LIN54: variants seen among roughly 807,000 people sequenced by gnomAD.
LIN54 encodes lin-54 DREAM MuvB core complex component, also known as protein lin-54 homolog.
Under a neutral mutation model 78.7 loss-of-function variants are expected in LIN54, and 9 were observed. The observed-to-expected ratio is 0.11, with a 90% CI of 0.07 to 0.20. The LOEUF is 0.20. Among genes scored for constraint, LIN54 ranks in the 10% least tolerant of loss-of-function variants. LIN54 has a pLI of 1.00. For synonymous variants in LIN54, 269 were observed against 318.4 expected (o/e 0.84, Z 1.65); for missense variants, 573 against 889.9 (o/e 0.64, Z 4.53).
chr4:82,973,909 A>G (rs1725893975), intron 3 of LIN54, among the ~76,000 whole-genome samples: 1 of 152,190 alleles, frequency 6.6e-6, no homozygotes, highest in Non-Finnish European at 1.5e-5. Context: ...ACAGAACTAC[A>G]TCAAAGTGCC....
intron 1 of LIN54, among the ~76,000 whole-genome samples, chr4:82,986,205 T>G (rs1012962409): frequency 2.0e-5 from 3 of 151,912 alleles, no homozygotes; most frequent in African/African-American, 7.2e-5. Context: ...AACCTCCACC[T>G]CCCAGGTTCA....
At chr4:82,979,834 G>A (rs1456581615) in intron 2 of LIN54, among the ~76,000 whole-genome samples, 1 of 150,582 alleles carries the variant, frequency 6.6e-6, no homozygotes, top group Non-Finnish European at 1.5e-5. Context: ...CTACTCGGGA[G>A]GCTGAGGCAG....
intron 11 of LIN54, among the ~76,000 whole-genome samples, chr4:82,932,774 G>A (rs1403676697): frequency 6.6e-6 from 1 of 151,956 alleles, no homozygotes; most frequent in Non-Finnish European, 1.5e-5. Context: ...GCAGTGAGCC[G>A]CGATCACGCG....
chr4:82,982,585 T>C (rs1167070763), intron 2 of LIN54, among the ~76,000 whole-genome samples: 1 of 152,178 alleles, frequency 6.6e-6, no homozygotes, highest in Non-Finnish European at 1.5e-5. Context: ...AAATAAACTT[T>C]GGTAAACCAA....
At position 82,930,140 on chromosome 4, in the gene LIN54, C is replaced by G. The variant is rs1256552531; in HGVS notation, c.2048+803G>C. The stretch of plus-strand genomic sequence containing the variant: ...TCTCAAACTCCTGACCTCAGGTGAT[C>G]TGCCCACCTTGGCCTCCCAAAGTGC... On this transcript the variant is annotated intron_variant, in intron 12 of 12. Coordinates refer to ENST00000340417, the MANE Select transcript of LIN54 (RefSeq NM_194282.4). 2.0e-5 allele frequency among the ~76,000 whole-genome samples: 3 copies of G among 152,196 alleles called. No homozygotes were observed. In the East Asian group the frequency reaches 5.8e-4, roughly 29 times the overall value.
chr4:82,999,002 A>C (rs1371007274), intron 1 of LIN54, among the ~76,000 whole-genome samples: 2 of 152,224 alleles, frequency 1.3e-5, no homozygotes, highest in Admixed American at 1.3e-4. Flanking sequence ...ACAAAAAAGT[A>C]ACTGTAGTAC....
chr4:82,994,402 A>T (rs1728011628), intron 1 of LIN54, among the ~76,000 whole-genome samples: 2 of 147,456 alleles, frequency 1.4e-5, no homozygotes, highest in African/African-American at 2.5e-5. Flanking sequence ...TTTTAAAAGA[A>T]TTTTTTTTTT....
At position 82,997,584 on chromosome 4, in the gene LIN54, G is replaced by A. The variant is rs144831676; in HGVS notation, c.-32-12708C>T. Among the ~76,000 whole-genome samples, 761 of 152,052 alleles carry A rather than the reference G, an allele frequency of 5.0e-3. 10 individuals are homozygous for A. Among genetic ancestry groups the A allele is most frequent in the Non-Finnish European group, 6.9e-3 (471 of 67,972 alleles). ...CTAACATGATCACAGTTATATTTTG[G>A]GAGGATTAACCTCATCTGAGGATTT... On this transcript the variant is annotated intron_variant, in intron 1 of 12. Coordinates refer to ENST00000340417, the MANE Select transcript of LIN54 (RefSeq NM_194282.4).
intron 4 of LIN54, among the ~76,000 whole-genome samples, chr4:82,952,013 C>G (rs1046720012): frequency 3.3e-5 from 5 of 151,944 alleles, no homozygotes; most frequent in African/African-American, 1.2e-4. Context: ...AAAGCTAAAA[C>G]TAAAAAAAAC....
rs1478187587 is a variant in LIN54 at position 82,928,300 on chromosome 4, C to G, written c.2052G>C (p.Leu684Phe). The G allele has an allele frequency of 6.2e-7, 1 of 1,612,470 alleles. No individual in the cohort carries two copies. Among genetic ancestry groups the G allele is most frequent in the South Asian group, 1.1e-5 (1 of 91,052 alleles). ...CTTCCTTAGTTACAAATGTAAATGG[C>G]AATCTGAAATGATTTTTGAAAGAGA... ...TPALNSGGGK[L>F]PFTFVTKEVA... The change falls in exon 13 of 13, where the codon TTG becomes TTC. Residue 684 changes from leucine to phenylalanine, a missense_variant. Leu to Phe is a conservative substitution (Grantham distance 22). Transcript: ENST00000340417.
chr4:82,985,775 G>A (rs1358841180), intron 1 of LIN54, among the ~76,000 whole-genome samples: 3 of 152,040 alleles, frequency 2.0e-5, no homozygotes, highest in Non-Finnish European at 2.9e-5. Context: ...TCCTAACCTC[G>A]GGTGATCCAC....
chr4:82,969,815 A>G (rs554686079), intron 4 of LIN54, among the ~76,000 whole-genome samples: 1 of 152,356 alleles, frequency 6.6e-6, no homozygotes, highest in Non-Finnish European at 1.5e-5. Flanking sequence ...TTGCCTCACA[A>G]TAAAATAAGA....
chr4:82,987,706 G>A (rs567556833), intron 1 of LIN54, among the ~76,000 whole-genome samples: 12 of 152,192 alleles, frequency 7.9e-5, no homozygotes, highest in Non-Finnish European at 1.5e-4. Context: ...CAGAGGACAT[G>A]ATCTCATTCC....
chr4:82,945,185 A>C (rs974878006), intron 5 of LIN54, among the ~76,000 whole-genome samples: 3 of 152,220 alleles, frequency 2.0e-5, no homozygotes, highest in African/African-American at 2.4e-5. Flanking sequence ...AAAATCAAAG[A>C]GTAACCAACT....
chr4:82,932,426 G>A (rs928239703), intron 11 of LIN54, among the ~76,000 whole-genome samples: 3 of 151,622 alleles, frequency 2.0e-5, no homozygotes, highest in African/African-American at 7.3e-5. Context: ...GATGTAGCCA[G>A]ATTGCTTTTT....
intron 3 of LIN54, among the ~76,000 whole-genome samples, chr4:82,973,694 T>C (rs1725872881): frequency 6.6e-6 from 1 of 152,212 alleles, no homozygotes; most frequent in South Asian, 2.1e-4. Flanking sequence ...AGAACCTCTA[T>C]TATCTCATGT....
intron 2 of LIN54, among the ~76,000 whole-genome samples, chr4:82,979,967 T>A (rs374252161): frequency 0.019 from 1,244 of 65,002 alleles, 4 homozygotes; most frequent in Non-Finnish European, 0.032. Flanking sequence ...AAAAAAAAAA[T>A]ACTGGGTCTC....
chr4:82,931,190 ACAT>A, intron 11 of LIN54, 45 bp from the exon 12 acceptor site: 1 of 1,394,200 alleles, frequency 7.2e-7, no homozygotes. Flanking sequence ...AAACCAAAAT[ACAT>A]TACTATAAGT....
At chr4:82,928,808 T>C (rs1342865895) in intron 12 of LIN54, among the ~76,000 whole-genome samples, 4 of 152,256 alleles carry the variant, frequency 2.6e-5, no homozygotes, top group Admixed American at 2.6e-4. Flanking sequence ...TCACTGATAC[T>C]GTTTGTAGAA....
Sources: allele counts gnomAD v4.1 joint callset (sites outside exome capture counted in the v4.1 genomes callset), GRCh38; gene constraint gnomAD v4.1.1; transcripts MANE v1.5; gene names NCBI Gene and HGNC (gene_info 2026-07-23, HGNC 2026-07-21).